The following POM121C variants were observed in gnomAD, a reference collection of about 807,000 sequenced individuals.
POM121C encodes POM121 transmembrane nucleoporin C.
Under a neutral mutation model 66.4 loss-of-function variants are expected in POM121C, and 20 were observed. The ratio of observed to expected loss-of-function variants is 0.30; its 90% CI spans 0.21 to 0.44. The LOEUF is 0.44. POM121C is among the 20% of genes least tolerant of loss of function. POM121C has a pLI of 1.00. For missense variants in POM121C, 580 were observed against 1,225.7 expected (o/e 0.47, Z 7.87); for synonymous variants, 286 against 528.0 (o/e 0.54, Z 6.28).
chr7:75,482,018 AGTT>A (rs1289020538), intron 1 of POM121C, among the ~76,000 whole-genome samples: 17 of 152,110 alleles, frequency 1.1e-4, no homozygotes, highest in African/African-American at 4.1e-4. Flanking sequence ...CGTATGGTAT[AGTT>A]GTGTGAAAAG....
intron 7 of POM121C, among the ~76,000 whole-genome samples, chr7:75,436,002 G>A (rs1187460949): frequency 1.3e-5 from 2 of 151,948 alleles, no homozygotes; most frequent in African/African-American, 4.8e-5. Flanking sequence ...AGTGAGCCAA[G>A]GTCGCACCAC....
chr7:75,440,001 C>T (rs1387214377), intron 5 of POM121C, among the ~76,000 whole-genome samples: 1 of 151,414 alleles, frequency 6.6e-6, no homozygotes, highest in African/African-American at 2.4e-5. Context: ...CTGTCTCAGC[C>T]TCTGGAGTAG....
chr7:75,475,323 C>A lies in POM121C; in HGVS notation c.-457-135G>T, dbSNP rs1357116523. Reference sequence around the variant, plus strand: ...ATGTTACAGATTATGGAAGGGAAATCATATTGGAAACACATATCCTTTGGG... The same window carrying A: ...ATGTTACAGATTATGGAAGGGAAATAATATTGGAAACACATATCCTTTGGG... On this transcript the variant is annotated intron_variant, in intron 1 of 14. Coordinates refer to ENST00000615331, the MANE Select transcript of POM121C (RefSeq NM_001099415.3). The A allele has an allele frequency of 1.5e-5, 14 of 959,416 alleles. No homozygotes were observed. In the African/African-American group the frequency reaches 2.2e-4, roughly 15 times the overall value. The allele number at this position is 959,416 out of a possible 1,614,324, so 59.4% of individuals were successfully genotyped here.
At chr7:75,458,372 A>G (rs1186476230) in intron 3 of POM121C, among the ~76,000 whole-genome samples, 31 of 152,180 alleles carry the variant, frequency 2.0e-4, no homozygotes, top group African/African-American at 7.0e-4. Flanking sequence ...TCTACTAAAT[A>G]TAAAAAATCA....
Position 75,486,168 on chromosome 7 carries a change from C to G in POM121C, c.-762G>C, listed in dbSNP as rs2116570895. The G allele has an allele frequency of 3.2e-6, 1 of 317,266 alleles. No homozygotes were observed. The highest frequency in any genetic ancestry group is 4.6e-5 in the Admixed American group (1 of 21,848). The allele number at this position is 317,266 out of a possible 1,614,324, so 19.7% of individuals were successfully genotyped here. On this transcript the variant is annotated 5_prime_UTR_variant, in exon 1 of 15. Coordinates refer to ENST00000615331, the MANE Select transcript of POM121C (RefSeq NM_001099415.3). ...GCGCGAACCCTGGGCCGCACAGCTC[C>G]CGCCCGCCTAGGTGCTGGTCCGGGC...
intron 3 of POM121C, among the ~76,000 whole-genome samples, chr7:75,469,126 G>A (rs1300573435): frequency 5.3e-5 from 8 of 150,912 alleles, no homozygotes; most frequent in Admixed American, 4.0e-4. Flanking sequence ...CCTAGACAGG[G>A]TCTTGCTCTG....
intron 1 of POM121C, among the ~76,000 whole-genome samples, chr7:75,485,012 G>A (rs1461347744): frequency 5.9e-5 from 9 of 151,600 alleles, no homozygotes; most frequent in South Asian, 4.2e-4. Context: ...CATGCCTGGC[G>A]ACTTTTGTAT....
rs1295924309 is a variant in POM121C, at chr7:75,421,680, A to G, written c.2572T>C (p.Ser858Pro). The G allele has an allele frequency of 6.2e-7, 1 of 1,610,394 alleles. No individual in the cohort carries two copies. Residue 858 changes from serine to proline, a missense_variant, in exon 13 of 15, where the codon TCC (serine) becomes CCC (proline). Ser to Pro is a moderately conservative substitution (Grantham distance 74). Coordinates refer to ENST00000615331, the MANE Select transcript of POM121C (RefSeq NM_001099415.3). The part of the protein sequence containing the change: ...SFGINVATPG[S>P]SATTGAFSFG... ...CTGAAAGCTCCGGTGGTGGCGCTGG[A>G]GCCTGGGGTGGCCACGTTGATCCCA...
chr7:75,440,200 CATT>C (rs1318520216), intron 5 of POM121C, among the ~76,000 whole-genome samples: 2 of 151,970 alleles, frequency 1.3e-5, no homozygotes, highest in South Asian at 2.1e-4. Context: ...GTTTTAATCT[CATT>C]ATTGATAAAA....
intron 3 of POM121C, among the ~76,000 whole-genome samples, chr7:75,466,618 TA>T (rs1173506428): frequency 0.01 from 1,331 of 131,756 alleles, 7 homozygotes; most frequent in African/African-American, 0.02. Flanking sequence ...AAATAAAAAT[TA>T]AAAAAAAAAA....
At chr7:75,474,610 T>C (rs2443467) in intron 3 of POM121C, 94 bp downstream of exon 3, 134 of 510,998 alleles carry the variant, frequency 2.6e-4, no homozygotes, top group African/African-American at 2.0e-3. Flanking sequence ...TGGGAGGTGT[T>C]ACTGAGGGTA....
intron 11 of POM121C, 64 bp from the exon 12 acceptor site, chr7:75,424,289 G>A (rs71560448): frequency 0.21 from 328,986 of 1,574,512 alleles, 36,813 homozygotes; most frequent in Middle Eastern, 0.26. Context: ...CATGCCTGTC[G>A]GAGAGCAGGC....
intron 10 of POM121C, 68 bp from the exon 11 acceptor site, chr7:75,424,696 C>T (rs373995895): frequency 2.0e-5 from 32 of 1,588,574 alleles, no homozygotes; most frequent in South Asian, 8.8e-5. Flanking sequence ...TGGTGGCTAA[C>T]GCCGGTAATC....
chr7:75,479,851 C>T (rs1280898619), intron 1 of POM121C, among the ~76,000 whole-genome samples: 2 of 152,004 alleles, frequency 1.3e-5, no homozygotes, highest in Non-Finnish European at 2.9e-5. Flanking sequence ...TTCTAACTCA[C>T]TAAAATAACA....
In POM121C at chr7:75,439,159, G is replaced by A; in HGVS notation, c.293C>T (p.Ala98Val). Residue 98 changes from alanine to valine, a missense_variant, in exon 6 of 15, where the codon GCT (alanine) becomes GTT (valine). By Grantham distance (64) the Ala-to-Val change is moderately conservative. Transcript: ENST00000615331. ...FEPLVASGVP[A>V]SFVPKPGSLK... ...TCGCACTTACTTAGGCACAAAAGAAGCGGGGACTCCACTGGCCACCAGGGG... is the reference window on the plus strand; with the variant it reads ...TCGCACTTACTTAGGCACAAAAGAAACGGGGACTCCACTGGCCACCAGGGG... The A allele has an allele frequency of 1.2e-6, 2 of 1,614,234 alleles. No homozygotes were observed. Among genetic ancestry groups the A allele is most frequent in the Non-Finnish European group, 1.7e-6 (2 of 1,180,042 alleles).
intron 3 of POM121C, among the ~76,000 whole-genome samples, chr7:75,460,496 C>CAATA (rs1554476868): frequency 6.6e-6 from 1 of 151,548 alleles, no homozygotes; most frequent in Admixed American, 6.6e-5. Flanking sequence ...GACTCTGTCT[C>CAATA]AATAAATAAA....
chr7:75,418,105 C>CTTGA lies in POM121C; in HGVS notation c.*687_*690dup, dbSNP rs1789545966. The CTTGA allele has an allele frequency of 1.5e-6, 1 of 688,502 alleles. No homozygotes were observed. Among genetic ancestry groups the CTTGA allele is most frequent in the African/African-American group, 2.1e-5 (1 of 48,212 alleles). The allele number at this position is 688,502 out of a possible 1,614,324, so 42.6% of individuals were successfully genotyped here. A position where few individuals can be genotyped will look rare whatever the true frequency, so the allele number is the denominator to read the frequency against. ...CCCCTGGCTCTGCCAGGCTAACAGTCTTGAGCCACCAAGCTCTGAGGGGCC... is the reference window on the plus strand; with the variant it reads ...CCCCTGGCTCTGCCAGGCTAACAGTCTTGATTGAGCCACCAAGCTCTGAGGGGCC... On this transcript the variant is annotated 3_prime_UTR_variant, in exon 15 of 15. Transcript: ENST00000615331.
At chr7:75,484,802 T>C (rs1188559575) in intron 1 of POM121C, among the ~76,000 whole-genome samples, 1 of 151,866 alleles carries the variant, frequency 6.6e-6, no homozygotes, top group Non-Finnish European at 1.5e-5. Flanking sequence ...CATCATCAAA[T>C]ACAAGGCGCA....
At chr7:75,477,114 C>CACACACACACAG (rs1471973299) in intron 1 of POM121C, among the ~76,000 whole-genome samples, 2 of 149,314 alleles carry the variant, frequency 1.3e-5, no homozygotes, top group Admixed American at 6.7e-5. Flanking sequence ...CGTGTATACA[C>CACACACACACAG]ACACACACAC....
Sources: gnomAD v4.1 joint callset for allele counts (sites outside exome capture counted in the v4.1 genomes callset) on GRCh38, gnomAD v4.1.1 for gene constraint, MANE v1.5 for transcripts, NCBI Gene and HGNC (gene_info 2026-07-23, HGNC 2026-07-21) for gene names.